Variants in NTRK3 observed in about 807,000 individuals in gnomAD.
NTRK3 encodes the protein neurotrophic receptor tyrosine kinase 3, also known as NT-3 growth factor receptor.
A neutral mutation model predicts 91.7 loss-of-function variants in NTRK3; 24 were observed. The observed-to-expected ratio is 0.26, with a 90% CI of 0.19 to 0.37. The LOEUF (loss-of-function observed/expected upper bound fraction) is 0.37, where lower values mean the gene tolerates loss of function less well. Among genes scored for constraint, NTRK3 ranks in the 10% least tolerant of loss-of-function variants. The pLI is 1.00. For synonymous variants in NTRK3, 483 were observed against 404.0 expected (o/e 1.20, Z -2.34); for missense variants, 880 against 1,068.9 (o/e 0.82, Z 2.46).
At chr15:87,895,414 T>C (rs932993915) in intron 17 of NTRK3, among the ~76,000 whole-genome samples, 5 of 152,230 alleles carry the variant, frequency 3.3e-5, no homozygotes, top group African/African-American at 1.2e-4. Flanking sequence ...CTGGGGAGTA[T>C]GCCCTAGAAA....
At chr15:87,873,186 T>C (rs910213150) in exon 19 of NTRK3, 22 of 231,830 alleles carry the variant, frequency 9.5e-5, no homozygotes, top group Middle Eastern at 1.3e-3. Flanking sequence ...AGAACATTAA[T>C]GTTCAACCTG....
intron 14 of NTRK3, chr15:87,979,158 C>T (rs1164590488): frequency 4.7e-6 from 3 of 637,244 alleles, no homozygotes; most frequent in Non-Finnish European, 8.4e-6. Flanking sequence ...GAAGGGGCAA[C>T]CCTGCCAGTG....
intron 5 of NTRK3, among the ~76,000 whole-genome samples, chr15:88,157,752 C>T (rs1293606222): frequency 6.6e-6 from 1 of 152,038 alleles, no homozygotes; most frequent in East Asian, 1.9e-4. Context: ...TTTGTGTCAC[C>T]AGGCAAGTCA....
intron 13 of NTRK3, among the ~76,000 whole-genome samples, chr15:88,071,264 T>C (rs1342375447): frequency 5.3e-5 from 8 of 152,238 alleles, no homozygotes; most frequent in African/African-American, 1.9e-4. Context: ...TCCTCCTGAC[T>C]GACTCTGCAG....
chr15:88,125,194 A>G (rs1043745939), intron 13 of NTRK3, among the ~76,000 whole-genome samples: 1 of 152,230 alleles, frequency 6.6e-6, no homozygotes, highest in Non-Finnish European at 1.5e-5. Context: ...AAGGAGTTAC[A>G]GAGGTTTCTG....
At position 87,914,393 on chromosome 15, in the gene NTRK3, G is replaced by A. The variant is rs143178834; in HGVS notation, c.2133+14798C>T. Among the ~76,000 whole-genome samples, 159 of 152,292 alleles carry A rather than the reference G, an allele frequency of 1.0e-3. 1 individual carries two copies. Among genetic ancestry groups the A allele is most frequent in the Non-Finnish European group, 1.7e-3 (116 of 68,022 alleles). On this transcript the variant is annotated intron_variant, in intron 17 of 18. Coordinates refer to ENST00000394480, the Ensembl canonical transcript of NTRK3. ...CTGGCTTTCCCTTGGTGATACCAGTGCATCTTTCAAATACGCATACTCAGA... is the reference window on the plus strand; with the variant it reads ...CTGGCTTTCCCTTGGTGATACCAGTACATCTTTCAAATACGCATACTCAGA...
chr15:87,947,164 C>A (rs969767557), intron 14 of NTRK3, among the ~76,000 whole-genome samples: 1 of 152,102 alleles, frequency 6.6e-6, no homozygotes, highest in Non-Finnish European at 1.5e-5. Context: ...CAGGCATCAG[C>A]CACCGTGCCC....
At chr15:88,110,548 T>C (rs771108978) in intron 13 of NTRK3, among the ~76,000 whole-genome samples, 28 of 152,152 alleles carry the variant, frequency 1.8e-4, no homozygotes, top group Non-Finnish European at 3.1e-4. Context: ...CCAGAGGACA[T>C]TTATGCACCC....
intron 13 of NTRK3, among the ~76,000 whole-genome samples, chr15:88,095,810 G>A (rs1020945368): frequency 2.6e-5 from 4 of 152,136 alleles, no homozygotes; most frequent in African/African-American, 9.7e-5. Context: ...TGCAAAAATA[G>A]TACAGAAAGG....
intron 3 of NTRK3, among the ~76,000 whole-genome samples, chr15:88,198,516 C>T (rs1401087787): frequency 6.6e-6 from 1 of 152,204 alleles, no homozygotes; most frequent in African/African-American, 2.4e-5. Flanking sequence ...CCCAGCCTCA[C>T]CCTCTAATTC....
chr15:88,208,323 T>A (rs1053875409), intron 3 of NTRK3, among the ~76,000 whole-genome samples: 4 of 152,014 alleles, frequency 2.6e-5, no homozygotes, highest in Non-Finnish European at 4.4e-5. Flanking sequence ...TGTCCCATTT[T>A]AGCTGGAGAA....
intron 13 of NTRK3, among the ~76,000 whole-genome samples, chr15:88,121,745 G>A (rs2052728540): frequency 6.6e-6 from 1 of 152,226 alleles, no homozygotes. Context: ...TGCTCCAGCA[G>A]GAGGGCTGGC....
At chr15:88,085,647 C>G (rs747289171) in intron 13 of NTRK3, among the ~76,000 whole-genome samples, 14 of 152,150 alleles carry the variant, frequency 9.2e-5, no homozygotes, top group African/African-American at 3.4e-4. Flanking sequence ...TGTTACCCAG[C>G]AGTATGCAGT....
chr15:88,232,969 G>GCTCCAGACCCTCCACCCAGCCC (rs2051341558), intron 3 of NTRK3, among the ~76,000 whole-genome samples: 3 of 152,188 alleles, frequency 2.0e-5, no homozygotes, highest in Non-Finnish European at 4.4e-5. Context: ...CAGCAGGGCT[G>GCTCCAGACCCTCCACCCAGCCC]AGGGGGCACC....
chr15:88,188,306 C>T (rs2047112369), intron 3 of NTRK3, among the ~76,000 whole-genome samples: 1 of 152,202 alleles, frequency 6.6e-6, no homozygotes, highest in Admixed American at 6.5e-5. Context: ...TCTCATAATA[C>T]ATTGGTTCTC....
At chr15:88,014,248 A>C (rs1458841312) in intron 14 of NTRK3, among the ~76,000 whole-genome samples, 1 of 152,222 alleles carries the variant, frequency 6.6e-6, no homozygotes, top group Non-Finnish European at 1.5e-5. Flanking sequence ...CCAAACAAAA[A>C]ACATCAACTT....
intron 6 of NTRK3, among the ~76,000 whole-genome samples, chr15:88,142,426 G>A (rs778643840): frequency 2.0e-5 from 3 of 152,256 alleles, no homozygotes; most frequent in African/African-American, 7.2e-5. Flanking sequence ...AGCCCCATCT[G>A]AGTTTGTAAG....
chr15:87,929,070 G>A, intron 17 of NTRK3, 121 bp downstream of exon 17: 6 of 1,458,530 alleles, frequency 4.1e-6, no homozygotes, highest in Non-Finnish European at 5.8e-6. Context: ...TTGAGTGCAT[G>A]TCTGGGCATG....
chr15:88,218,141 T>C (rs1018885159), intron 3 of NTRK3, among the ~76,000 whole-genome samples: 2 of 152,198 alleles, frequency 1.3e-5, no homozygotes, highest in African/African-American at 4.8e-5. Context: ...AAACCATTTC[T>C]AGTCTAGCCT....
Sources: gnomAD v4.1 joint callset for allele counts (sites outside exome capture counted in the v4.1 genomes callset) on GRCh38, gnomAD v4.1.1 for gene constraint, MANE v1.5 for transcripts, NCBI Gene and HGNC (gene_info 2026-07-23, HGNC 2026-07-21) for gene names.